The following TENM2 variants were observed in gnomAD, a reference collection of about 807,000 sequenced individuals.
TENM2 encodes teneurin transmembrane protein 2.
Under a neutral mutation model 245.2 loss-of-function variants are expected in TENM2, and 52 were observed. The observed-to-expected ratio is 0.21, with a 90% CI of 0.17 to 0.27. The LOEUF (loss-of-function observed/expected upper bound fraction) is 0.27. TENM2 is among the 10% of genes least tolerant of loss of function. TENM2 has a pLI of 1.00. For missense variants in TENM2, 3,046 were observed against 3,666.8 expected, an observed-to-expected ratio of 0.83 and a Z score of 4.37; for synonymous variants, 1,363 against 1,438.9, an observed-to-expected ratio of 0.95 and a Z score of 1.19.
At chr5:167,839,266 G>A (rs532228306) in intron 2 of TENM2, among the ~76,000 whole-genome samples, 2 of 152,302 alleles carry the variant, frequency 1.3e-5, no homozygotes, top group South Asian at 4.1e-4. Flanking sequence ...CTTAAGAGAT[G>A]CCAGATGAAT....
chr5:167,318,811 A>C (rs1455384112), intron 1 of TENM2, among the ~76,000 whole-genome samples: 1 of 152,222 alleles, frequency 6.6e-6, no homozygotes, highest in Non-Finnish European at 1.5e-5. Context: ...TGAGACTCAG[A>C]GCCCACAAGT....
At chr5:167,182,973 T>C in the TENM2 span, among the ~76,000 whole-genome samples, 14 of 152,306 alleles carry the variant, frequency 9.2e-5, no homozygotes, top group East Asian at 2.7e-3. Context: ...ATTAAAGTGT[T>C]CCACTGTTTC....
At chr5:167,001,207 G>C in the TENM2 span, among the ~76,000 whole-genome samples, 25 of 152,260 alleles carry the variant, frequency 1.6e-4, no homozygotes, top group African/African-American at 6.0e-4. Context: ...ATGGAAAAGA[G>C]TTTGGTCTCA....
chr5:167,892,582 G>A (rs754276970), intron 3 of TENM2, among the ~76,000 whole-genome samples: 10 of 152,328 alleles, frequency 6.6e-5, no homozygotes, highest in Non-Finnish European at 1.3e-4. Context: ...AGGGATAGGA[G>A]TGTTTCCATT....
chr5:167,999,674 AC>A (rs1464362576), intron 5 of TENM2, among the ~76,000 whole-genome samples: 2 of 152,106 alleles, frequency 1.3e-5, no homozygotes, highest in Non-Finnish European at 2.9e-5. Flanking sequence ...AATCTGGGGG[AC>A]TTGAAGTGCT....
Position 167,915,416 on chromosome 5 carries a change from G to A in TENM2, c.713-37172G>A, listed in dbSNP as rs1450961506. Among the ~76,000 whole-genome samples, 3 of 152,196 alleles carry A rather than the reference G, an allele frequency of 2.0e-5. No individual in the cohort carries two copies. In the East Asian group the frequency reaches 5.8e-4, roughly 29 times the overall value. On this transcript the variant is annotated intron_variant, in intron 3 of 28. Coordinates refer to ENST00000518659, the Ensembl canonical transcript of TENM2. The stretch of plus-strand genomic sequence containing the variant: ...ATGTAAGGTGTCTGAATCCGTTCTT[G>A]GAAGTGTCTTTTCCCCTCCTGTTCG...
chr5:167,855,575 C>A (rs1364874984), intron 2 of TENM2, among the ~76,000 whole-genome samples: 1 of 150,086 alleles, frequency 6.7e-6, no homozygotes, highest in South Asian at 2.1e-4. Context: ...TTGCTTTTTA[C>A]TTCATAACCC....
chr5:167,068,343 A>G, the TENM2 span, among the ~76,000 whole-genome samples: 7 of 152,322 alleles, frequency 4.6e-5, no homozygotes, highest in South Asian at 1.5e-3. Context: ...GTTCACCACC[A>G]GTATCGCCTG....
At chr5:168,000,723 G>A (rs546444231) in intron 5 of TENM2, among the ~76,000 whole-genome samples, 1 of 152,258 alleles carries the variant, frequency 6.6e-6, no homozygotes, top group Admixed American at 6.5e-5. Flanking sequence ...ATAGGCACAG[G>A]CACGATAGAT....
At chr5:167,767,185 G>A (rs769555155) in intron 2 of TENM2, among the ~76,000 whole-genome samples, 12 of 152,244 alleles carry the variant, frequency 7.9e-5, no homozygotes, top group African/African-American at 2.6e-4. Context: ...CACAAATGTG[G>A]CATACACATA....
At chr5:167,705,986 TA>T (rs879316653) in intron 2 of TENM2, among the ~76,000 whole-genome samples, 8,140 of 89,216 alleles carry the variant, frequency 0.091, 321 homozygotes, top group East Asian at 0.11. Flanking sequence ...TATATATATA[TA>T]TATATTTATT....
intron 2 of TENM2, among the ~76,000 whole-genome samples, chr5:167,391,622 C>CAAAAAAAAAAA (rs56202184): frequency 3.7e-5 from 2 of 53,500 alleles, no homozygotes; most frequent in Non-Finnish European, 3.8e-5. Context: ...AAGACTTCAT[C>CAAAAAAAAAAA]AAAAAAAAAA....
the TENM2 span, among the ~76,000 whole-genome samples, chr5:167,185,080 T>C: frequency 6.6e-6 from 1 of 152,194 alleles, no homozygotes; most frequent in Non-Finnish European, 1.5e-5. Context: ...GGACCCCTGC[T>C]CTACACATAT....
exon 3 of TENM2, chr5:167,876,047 C>T (rs941492795): frequency 6.4e-7 from 1 of 1,551,530 alleles, no homozygotes; most frequent in East Asian, 2.4e-5. Context: ...TGCCTAGCTC[C>T]CATAATCCTC....
chr5:167,398,773 T>C (rs1762213812), intron 2 of TENM2, among the ~76,000 whole-genome samples: 1 of 152,148 alleles, frequency 6.6e-6, no homozygotes, highest in South Asian at 2.1e-4. Context: ...ATTCCTGTTA[T>C]GATTATTAAA....
chr5:167,856,466 T>G (rs912267929), intron 2 of TENM2, among the ~76,000 whole-genome samples: 11 of 152,202 alleles, frequency 7.2e-5, no homozygotes, highest in African/African-American at 2.4e-4. Flanking sequence ...TTGTTATAAT[T>G]AATTTGAGCT....
intron 1 of TENM2, among the ~76,000 whole-genome samples, chr5:167,358,948 A>G (rs946498623): frequency 6.6e-6 from 1 of 151,452 alleles, no homozygotes; most frequent in African/African-American, 2.4e-5. Flanking sequence ...CTCTGTTTCT[A>G]CCACACCCTG....
chr5:167,583,512 C>CACACA (rs1561573949), intron 2 of TENM2, among the ~76,000 whole-genome samples: 9 of 71,850 alleles, frequency 1.3e-4, no homozygotes, highest in African/African-American at 4.2e-4. Context: ...ACACACACAC[C>CACACA]CCAAACCTAT....
At position 167,930,465 on chromosome 5, in the gene TENM2, A is replaced by G. The variant is rs565384348; in HGVS notation, c.713-22123A>G. ...GCTTTTCTTAGAATTTTATTTATTTATTTATTTATTTATTTATTTATTTAT... is the reference window on the plus strand; with the variant it reads ...GCTTTTCTTAGAATTTTATTTATTTGTTTATTTATTTATTTATTTATTTAT... On this transcript the variant is annotated intron_variant, in intron 3 of 28. Coordinates refer to ENST00000518659, the Ensembl canonical transcript of TENM2. Among the ~76,000 whole-genome samples, 113 of 150,160 alleles carry G rather than the reference A, an allele frequency of 7.5e-4. 2 individuals carry two copies. In the East Asian group the frequency reaches 0.022, roughly 29 times the overall value.
Sources: gnomAD v4.1 joint callset for allele counts (sites outside exome capture counted in the v4.1 genomes callset) on GRCh38, gnomAD v4.1.1 for gene constraint, MANE v1.5 for transcripts, NCBI Gene and HGNC (gene_info 2026-07-23, HGNC 2026-07-21) for gene names.